Variants in PIK3R1 observed in about 807,000 individuals in gnomAD.
The protein encoded by PIK3R1 is phosphatidylinositol 3-kinase regulatory subunit alpha.
A neutral mutation model predicts 98.0 loss-of-function variants in PIK3R1; 29 were observed. That is an observed-to-expected ratio of 0.30 (90% CI 0.22 to 0.40). PIK3R1 has a LOEUF of 0.40. PIK3R1 is among the 10% of genes least tolerant of loss of function. The probability of loss-of-function intolerance (pLI) is 1.00; values close to 1 mark genes in which losing one functional copy is unlikely to be tolerated. For missense variants in PIK3R1, 596 were observed against 872.7 expected (o/e 0.68, Z 3.99); for synonymous variants, 282 against 311.8 (o/e 0.90, Z 1.01).
intron 2 of PIK3R1, among the ~76,000 whole-genome samples, chr5:68,250,345 G>A (rs976538568): frequency 6.6e-5 from 10 of 152,324 alleles, no homozygotes; most frequent in East Asian, 3.9e-4. Context: ...ATTGCCACAC[G>A]TCTTCTGCTG....
chr5:68,221,802 G>C (rs1377758424), intron 1 of PIK3R1, among the ~76,000 whole-genome samples: 1 of 152,192 alleles, frequency 6.6e-6, no homozygotes, highest in Non-Finnish European at 1.5e-5. Flanking sequence ...TTATTTTGGG[G>C]AATAGAAAGA....
In PIK3R1 at chr5:68,301,444, A is replaced by ATATATATATATATATATGTGTGTG. The variant is rs1561308632; in HGVS notation, c.*3854_*3855insATATATGTGTGTGTATATATATAT. ...TATATATATATATATGTGTGTGTAT[A>ATATATATATATATATATGTGTGTG]TATATATATATGTGTATATATATAT... On this transcript the variant is annotated 3_prime_UTR_variant, in exon 16 of 16. Transcript: ENST00000521381. 2 of 112,464 alleles carry ATATATATATATATATATGTGTGTG rather than the reference A, an allele frequency of 1.8e-5. No homozygotes were observed. The highest frequency in any genetic ancestry group is 9.3e-5 in the Admixed American group (1 of 10,718). The allele number at this position is 112,464 out of a possible 1,614,324, so 7.0% of individuals were successfully genotyped here. A position where few individuals can be genotyped will look rare whatever the true frequency, so the allele number is the denominator to read the frequency against.
chr5:68,257,446 G>T (rs1407801441), intron 2 of PIK3R1, among the ~76,000 whole-genome samples: 1 of 152,210 alleles, frequency 6.6e-6, no homozygotes, highest in East Asian at 1.9e-4. Context: ...TACCCCTTTG[G>T]CTGGCTGGCT....
intron 2 of PIK3R1, among the ~76,000 whole-genome samples, chr5:68,237,596 A>G (rs2121109): frequency 7.4e-5 from 2 of 27,142 alleles, no homozygotes; most frequent in African/African-American, 3.6e-4. Context: ...TTTCCCATTG[A>G]AAAAAAAAAA....
chr5:68,260,386 C>A (rs899461728), intron 2 of PIK3R1, among the ~76,000 whole-genome samples: 3 of 151,952 alleles, frequency 2.0e-5, no homozygotes, highest in Admixed American at 2.0e-4. Context: ...GGACTCTCCC[C>A]TCCCGCCATC....
rs1449732440 is a variant in PIK3R1, at chr5:68,262,933, ATATATACATG to A, written c.335-10454_335-10445del. Among the ~76,000 whole-genome samples, 58 of 70,214 alleles carry A rather than the reference ATATATACATG, an allele frequency of 8.3e-4. 25 individuals are homozygous for A. Among genetic ancestry groups the A allele is most frequent in the Middle Eastern group, 0.016 (1 of 64 alleles). The allele number at this position is 70,214 out of a possible 152,430, so 46.1% of individuals were successfully genotyped here. A position where few individuals can be genotyped will look rare whatever the true frequency, so the allele number is the denominator to read the frequency against. ...TAGATACATGTAGATACATGTATAC[ATATATACATG>A]TAGATACATGTAGATACATGTATAC... On this transcript the variant is annotated intron_variant, in intron 2 of 15. Transcript: ENST00000521381.
intron 15 of PIK3R1, among the ~76,000 whole-genome samples, chr5:68,296,733 A>T (rs1747731748): frequency 6.6e-6 from 1 of 152,022 alleles, no homozygotes; most frequent in South Asian, 2.1e-4. Context: ...TAGGAAAAAT[A>T]CTCATCAGGA....
Position 68,299,408 on chromosome 5 carries a change from T to C in PIK3R1, c.*1807T>C, listed in dbSNP as rs1418745434. ...CCAAGTGGCAGTCCTTCTCATTCAT[T>C]CTAATCATTGTATGTGCTTCACTAC... On this transcript the variant is annotated 3_prime_UTR_variant, in exon 16 of 16. Coordinates refer to ENST00000521381, the MANE Select transcript of PIK3R1 (RefSeq NM_181523.3). The C allele has an allele frequency of 8.6e-6, 2 of 233,278 alleles. No homozygotes were observed. Among genetic ancestry groups the C allele is most frequent in the Admixed American group, 1.1e-4 (2 of 17,766 alleles). 14.5% of individuals were successfully genotyped at this position (233,278 alleles called of 1,614,324 possible). A position where few individuals can be genotyped will look rare whatever the true frequency, so the allele number is the denominator to read the frequency against.
chr5:68,263,149 A>G lies in PIK3R1; in HGVS notation c.335-10241A>G, dbSNP rs552015871. Among the ~76,000 whole-genome samples, 12 of 146,510 alleles carry G rather than the reference A, an allele frequency of 8.2e-5. No individual in the cohort carries two copies. In the East Asian group the frequency reaches 1.6e-3, roughly 19 times the overall value. ...GATACATAGATACATATATATTTATATATGTACATATATCTACATATATAT... is the reference window on the plus strand; with the variant it reads ...GATACATAGATACATATATATTTATGTATGTACATATATCTACATATATAT... On this transcript the variant is annotated intron_variant, in intron 2 of 15. Coordinates refer to ENST00000521381, the MANE Select transcript of PIK3R1 (RefSeq NM_181523.3).
At chr5:68,286,754 G>A (rs565374664) in intron 7 of PIK3R1, among the ~76,000 whole-genome samples, 2 of 152,294 alleles carry the variant, frequency 1.3e-5, no homozygotes, top group African/African-American at 4.8e-5. Flanking sequence ...AAATATACTG[G>A]TGGACTTAAC....
At chr5:68,223,061 T>A (rs1328889192) in intron 1 of PIK3R1, among the ~76,000 whole-genome samples, 2 of 151,328 alleles carry the variant, frequency 1.3e-5, no homozygotes, top group Admixed American at 6.6e-5. Flanking sequence ...TGTATATAAC[T>A]ATATATAGTC....
chr5:68,216,115 T>C (rs1743863071), intron 1 of PIK3R1, among the ~76,000 whole-genome samples, 166 bp downstream of exon 1: 1 of 151,740 alleles, frequency 6.6e-6, no homozygotes, highest in Non-Finnish European at 1.5e-5. Context: ...GCCTCCGGCA[T>C]CTCCTGGCCG....
chr5:68,297,903 GCGTGCAGGGACAAAGAGGCCTTTAACCA>G lies in PIK3R1; in HGVS notation c.*303_*330del, dbSNP rs1747822222. Reference sequence around the variant, plus strand: ...GAGAAAAAGAAATGCAAAAATCTCTGCGTGCAGGGACAAAGAGGCCTTTAACCATGGTGCTTGTTAATGCTTTCTGAAG... The same window carrying G: ...GAGAAAAAGAAATGCAAAAATCTCTGTGGTGCTTGTTAATGCTTTCTGAAG... On this transcript the variant is annotated 3_prime_UTR_variant, in exon 16 of 16. Transcript: ENST00000521381. The G allele has an allele frequency of 3.8e-6, 1 of 262,378 alleles. No individual in the cohort carries two copies. 16.3% of individuals were successfully genotyped at this position (262,378 alleles called of 1,614,324 possible).
chr5:68,270,877 GGAAAT>G (rs1469323045), intron 2 of PIK3R1, among the ~76,000 whole-genome samples: 4 of 152,050 alleles, frequency 2.6e-5, no homozygotes, highest in African/African-American at 4.8e-5. Context: ...ATTTATCAGA[GGAAAT>G]GAAATGGTGT....
intron 2 of PIK3R1, chr5:68,239,948 T>C (rs1561265222): frequency 2.0e-6 from 1 of 494,996 alleles, no homozygotes; most frequent in Non-Finnish European, 4.0e-6. Flanking sequence ...GTGATTACTT[T>C]TAAAGGGCAG....
At chr5:68,290,885 A>G (rs756491912) in intron 7 of PIK3R1, 2 of 1,235,074 alleles carry the variant, frequency 1.6e-6, no homozygotes, top group African/African-American at 3.1e-5. Flanking sequence ...TGGCTTTTTA[A>G]TTTTTCGAAA....
chr5:68,259,212 T>C (rs576220186), intron 2 of PIK3R1, among the ~76,000 whole-genome samples: 1 of 152,354 alleles, frequency 6.6e-6, no homozygotes, highest in South Asian at 2.1e-4. Flanking sequence ...ATCTGCTTAA[T>C]AATTTTTATA....
intron 2 of PIK3R1, among the ~76,000 whole-genome samples, chr5:68,255,609 T>C (rs796409909): frequency 9.8e-5 from 15 of 152,334 alleles, no homozygotes; most frequent in African/African-American, 3.6e-4. Flanking sequence ...AGCTCTAGCT[T>C]CATTTTACTT....
At chr5:68,294,484 A>C (rs1747576477) in intron 11 of PIK3R1, 52 bp from the exon 12 acceptor site, 23 of 1,402,044 alleles carry the variant, frequency 1.6e-5, no homozygotes, top group Non-Finnish European at 2.1e-5. Context: ...TCTTGCAGTA[A>C]GAGATTGTTC....
Sources: allele counts gnomAD v4.1 joint callset (sites outside exome capture counted in the v4.1 genomes callset), GRCh38; gene constraint gnomAD v4.1.1; transcripts MANE v1.5; gene names NCBI Gene and HGNC (gene_info 2026-07-23, HGNC 2026-07-21).